Variants in CLTC observed in about 807,000 individuals in gnomAD.
CLTC encodes the protein clathrin heavy chain 1.
Under a neutral mutation model 195.8 loss-of-function variants are expected in CLTC, and 16 were observed. The observed-to-expected ratio is 0.08, with a 90% CI of 0.06 to 0.12. CLTC has a LOEUF of 0.12. Among genes scored for constraint, CLTC ranks in the 10% least tolerant of loss-of-function variants. The pLI is 1.00. For synonymous variants in CLTC, 667 were observed against 689.4 expected (o/e 0.97, Z 0.51); for missense variants, 796 against 2,027.0 (o/e 0.39, Z 11.66).
intron 6 of CLTC, chr17:59,658,768 G>A (rs910825950): frequency 1.3e-5 from 2 of 152,172 alleles, no homozygotes; most frequent in Non-Finnish European, 2.9e-5. Flanking sequence ...GTATGATAAC[G>A]ATAAAACTGT....
In CLTC at chr17:59,619,953, G is replaced by A; in HGVS notation, c.-179G>A. On this transcript the variant is annotated 5_prime_UTR_variant, in exon 1 of 32. Transcript: ENST00000269122. ...CGCCATTGCGGCTCTCCTGGCCCCT[G>A]GAGCCTCCGCCCCCGACCCGAGCTC... 1 of 599,890 alleles carries A rather than the reference G, an allele frequency of 1.7e-6. No homozygotes were observed. Among genetic ancestry groups the A allele is most frequent in the Non-Finnish European group, 3.0e-6 (1 of 337,000 alleles). 37.2% of individuals were successfully genotyped at this position (599,890 alleles called of 1,614,324 possible).
chr17:59,657,276 C>T (rs1186977194), intron 6 of CLTC, among the ~76,000 whole-genome samples: 1 of 152,146 alleles, frequency 6.6e-6, no homozygotes, highest in Non-Finnish European at 1.5e-5. Flanking sequence ...ACTCCTAGAA[C>T]TTAGGGCTTT....
chr17:59,680,774 CCTCT>C (rs1274411562), intron 18 of CLTC, 134 bp from the exon 19 acceptor site: 7 of 579,554 alleles, frequency 1.2e-5, no homozygotes, highest in East Asian at 5.7e-5. Context: ...TGTAGAAAGA[CCTCT>C]CTATGTAAAT....
In CLTC at chr17:59,666,032, T is replaced by A; in HGVS notation, c.1645-71T>A. On this transcript the variant is annotated intron_variant, in intron 10 of 31. Coordinates refer to ENST00000269122, the MANE Select transcript of CLTC (RefSeq NM_004859.4). The surrounding 1 kb of genome is among the most constrained non-coding windows in gnomAD (Gnocchi z 4.9). Reference sequence around the variant, plus strand: ...ATAAAATTCTCAGGTAAAGAAAGAGTTCATGCATAATTTTGTCTACATACT... The same window carrying A: ...ATAAAATTCTCAGGTAAAGAAAGAGATCATGCATAATTTTGTCTACATACT... 1 of 1,139,584 alleles carries A rather than the reference T, an allele frequency of 8.8e-7. No individual in the cohort carries two copies. The highest frequency in any genetic ancestry group is 1.3e-6 in the Non-Finnish European group (1 of 792,136). The allele number at this position is 1,139,584 out of a possible 1,614,324, so 70.6% of individuals were successfully genotyped here. A position where few individuals can be genotyped will look rare whatever the true frequency, so the allele number is the denominator to read the frequency against.
chr17:59,620,905 A>G (rs896626230), intron 1 of CLTC, among the ~76,000 whole-genome samples: 1 of 151,732 alleles, frequency 6.6e-6, no homozygotes, highest in Non-Finnish European at 1.5e-5. Context: ...TTCTCTGGGG[A>G]TGTTGTGGCT....
chr17:59,693,829 C>G lies in CLTC; in HGVS notation c.5005C>G (p.Pro1669Ala), dbSNP rs1156724077. ...CGCACCACCGTATGGACAGCCACAG[C>G]CTGGCTTTGGGTACAGCATGTGAGA... Reference protein sequence around the residue: ...YTAPPYGQPQPGFGYSM With the variant: ...YTAPPYGQPQAGFGYSM The change falls in exon 32 of 32, where the codon CCT (proline) becomes GCT (alanine). Residue 1669 changes from proline (P) to alanine (A), a missense_variant. Around this residue, in one of 9 missense-constraint regions of CLTC, gnomAD observed 148 missense variants for 279.5 expected, o/e 0.53. Transcript: ENST00000269122. 1 of 1,612,470 alleles carries G rather than the reference C, an allele frequency of 6.2e-7. No individual in the cohort carries two copies. Among genetic ancestry groups the G allele is most frequent in the Admixed American group, 1.7e-5 (1 of 59,830 alleles).
chr17:59,682,176 C>A lies in CLTC; in HGVS notation c.3443-95C>A. The A allele has an allele frequency of 1.7e-6, 2 of 1,207,992 alleles. No individual in the cohort carries two copies. Among genetic ancestry groups the A allele is most frequent in the Non-Finnish European group, 2.3e-6 (2 of 851,552 alleles). The allele number at this position is 1,207,992 out of a possible 1,614,324, so 74.8% of individuals were successfully genotyped here. A position where few individuals can be genotyped will look rare whatever the true frequency, so the allele number is the denominator to read the frequency against. ...TTACATTTGTCATTATCCATGTTTC[C>A]TTGAAAAGGAAATGAATGCAATTTT... is the stretch of plus-strand genomic sequence containing the variant. On this transcript the variant is annotated intron_variant, in intron 21 of 31. Coordinates refer to ENST00000269122, the MANE Select transcript of CLTC (RefSeq NM_004859.4). The surrounding 1 kb of genome is among the most constrained non-coding windows in gnomAD (Gnocchi z 6.8).
intron 5 of CLTC, among the ~76,000 whole-genome samples, chr17:59,653,280 G>A (rs545461151): frequency 5.9e-5 from 9 of 151,308 alleles, no homozygotes; most frequent in Admixed American, 4.6e-4. Flanking sequence ...TGCAAGCTCC[G>A]CCTCCTGGGT....
chr17:59,620,705 T>G (rs1338092171), intron 1 of CLTC, among the ~76,000 whole-genome samples: 2 of 131,386 alleles, frequency 1.5e-5, no homozygotes, highest in Non-Finnish European at 1.6e-5. Context: ...TCTCCGGTGG[T>G]GGGGGTTGGG....
chr17:59,692,884 C>T (rs1302050451), intron 31 of CLTC, among the ~76,000 whole-genome samples: 1 of 152,104 alleles, frequency 6.6e-6, no homozygotes, highest in Non-Finnish European at 1.5e-5. Context: ...ATGATCCACC[C>T]TCCTCGGCCT....
At position 59,651,269 on chromosome 17, in the gene CLTC, G is replaced by A. The variant is rs1466038759; in HGVS notation, c.748G>A (p.Val250Ile). 6.2e-7 allele frequency: 1 copy of A among 1,613,934 alleles called. No individual in the cohort carries two copies. Among genetic ancestry groups the A allele is most frequent in the South Asian group, 1.1e-5 (1 of 91,074 alleles). Reference sequence around the variant, plus strand: ...GCCCTTTCCAAAGAAGGCAGTGGATGTCTTCTTTCCTCCAGAAGCACAAAA... The same window carrying A: ...GCCCTTTCCAAAGAAGGCAGTGGATATCTTCTTTCCTCCAGAAGCACAAAA... ...NQPFPKKAVDVFFPPEAQNDF... is the reference protein window; with the variant it reads ...NQPFPKKAVDIFFPPEAQNDF... Residue 250 changes from valine to isoleucine, a missense_variant, in exon 5 of 32, where the codon GTC (valine) becomes ATC (isoleucine). Physicochemically the swap from Val to Ile is conservative, Grantham distance 29 (BLOSUM62 3). Coordinates refer to ENST00000269122, the MANE Select transcript of CLTC (RefSeq NM_004859.4).
chr17:59,620,836 C>CA (rs556286848), intron 1 of CLTC, among the ~76,000 whole-genome samples: 72 of 152,192 alleles, frequency 4.7e-4, no homozygotes, highest in African/African-American at 1.5e-3. Context: ...ATGTCAATCT[C>CA]AGAGTGTGTG....
rs201368703 is a variant in CLTC at position 59,693,886 on chromosome 17, G to T, written c.*34G>T. 3.2e-6 allele frequency: 5 copies of T among 1,573,800 alleles called. No individual in the cohort carries two copies. In the South Asian group the frequency reaches 3.5e-5, roughly 11 times the overall value. ...GCTGATCCTGTAGTCACCTATTTTC[G>T]TACTGAAACATCGTCTTTACCCACT... is the stretch of plus-strand genomic sequence containing the variant. On this transcript the variant is annotated 3_prime_UTR_variant, in exon 32 of 32. Transcript: ENST00000269122.
chr17:59,664,562 AAAAAAG>A (rs201764317), intron 9 of CLTC: 31,219 of 348,240 alleles, frequency 0.09, 1,699 homozygotes, highest in East Asian at 0.27. Flanking sequence ...AAAAAAAAAA[AAAAAAG>A]AAAAGAAAAG....
intron 1 of CLTC, among the ~76,000 whole-genome samples, chr17:59,630,145 C>T (rs548003512): frequency 2.6e-5 from 4 of 152,168 alleles, no homozygotes; most frequent in Non-Finnish European, 5.9e-5. Context: ...GGACTACAGG[C>T]GTGTGCCACC....
intron 14 of CLTC, among the ~76,000 whole-genome samples, chr17:59,670,232 CA>C (rs1453148684): frequency 3.3e-5 from 5 of 150,648 alleles, no homozygotes; most frequent in Non-Finnish European, 7.4e-5. Flanking sequence ...AAAACAACAA[CA>C]AAAAAAACTA....
Position 59,677,328 on chromosome 17 carries a change from G to C in CLTC, c.2796+140G>C. 4 of 643,340 alleles carry C rather than the reference G, an allele frequency of 6.2e-6. No homozygotes were observed. In the Admixed American group the frequency reaches 8.3e-5, roughly 13 times the overall value. 39.9% of individuals were successfully genotyped at this position (643,340 alleles called of 1,614,324 possible). A position where few individuals can be genotyped will look rare whatever the true frequency, so the allele number is the denominator to read the frequency against. On this transcript the variant is annotated intron_variant, in intron 17 of 31. Coordinates refer to ENST00000269122, the MANE Select transcript of CLTC (RefSeq NM_004859.4). ...TAAAACTTTATTTGGAAATAATTGT[G>C]AATCTGAAAGTGGCCAAATAGTGGA...
In CLTC at chr17:59,685,220, T is replaced by C; in HGVS notation, c.4599T>C (p.Leu1533=). 6.3e-7 allele frequency: 1 copy of C among 1,583,874 alleles called. No homozygotes were observed. Reference sequence around the variant, plus strand: ...TAGAGCTGTGCAAGAAAGACAGCCTTTACAAGGTTGATAAAGTTGCGGGGC... The same window carrying C: ...TAGAGCTGTGCAAGAAAGACAGCCTCTACAAGGTTGATAAAGTTGCGGGGC... ...QSVELCKKDS[L]YKDAMQYASE... is the part of the protein sequence containing the mutation. The change falls in exon 29 of 32, where the codon CTT becomes CTC. Residue 1533 remains leucine, a synonymous_variant. Transcript: ENST00000269122. This position sits in a 1 kb window ranked among gnomAD's most constrained non-coding sequence, Gnocchi z 5.0.
At chr17:59,664,135 C>A in intron 9 of CLTC, 141 bp downstream of exon 9, 1 of 711,294 alleles carries the variant, frequency 1.4e-6, no homozygotes, top group South Asian at 2.1e-5. Flanking sequence ...ATTCTCTTAC[C>A]CCTCATATCA....
Sources: gnomAD v4.1 joint callset for allele counts (sites outside exome capture counted in the v4.1 genomes callset) on GRCh38, gnomAD v4.1.1 for gene constraint, gnomAD v4.1.1 regional missense constraint, Gnocchi (gnomAD v3.1) non-coding constraint, MANE v1.5 for transcripts, NCBI Gene and HGNC (gene_info 2026-07-23, HGNC 2026-07-21) for gene names.